Variants in SPARCL1 observed in about 807,000 individuals in gnomAD.
SPARCL1 encodes the protein SPARC like 1, also known as SPARC-like protein 1.
Under a neutral mutation model 67.1 loss-of-function variants are expected in SPARCL1, and 52 were observed. That is an observed-to-expected ratio of 0.78 (90% confidence interval 0.62 to 0.98). SPARCL1 has a LOEUF of 0.98. SPARCL1 is among the 50% of genes least tolerant of loss of function. SPARCL1 has a pLI of 0.00. For synonymous variants in SPARCL1, 226 were observed against 267.8 expected (o/e 0.84, Z 1.52); for missense variants, 717 against 782.4 (o/e 0.92, Z 1.00).
intron 10 of SPARCL1, 37 bp from the exon 11 acceptor site, chr4:87,473,840 A>C: frequency 6.8e-7 from 1 of 1,470,894 alleles, no homozygotes; most frequent in Non-Finnish European, 9.5e-7. Flanking sequence ...CACTTTTAGA[A>C]AGTAGCCAGA....
At chr4:87,504,220 G>C (rs1258683351) in intron 1 of SPARCL1, among the ~76,000 whole-genome samples, 1 of 148,664 alleles carries the variant, frequency 6.7e-6, no homozygotes, top group Non-Finnish European at 1.5e-5. Flanking sequence ...CAGGGGTGTG[G>C]GGAGAAACTT....
intron 2 of SPARCL1, 23 bp downstream of exon 2, chr4:87,499,496 TAA>T: frequency 6.3e-7 from 1 of 1,583,690 alleles, no homozygotes; most frequent in Non-Finnish European, 8.6e-7. Context: ...GAAAGAGATG[TAA>T]TAACAGAAGA....
intron 7 of SPARCL1, among the ~76,000 whole-genome samples, chr4:87,484,840 A>G (rs1723985627): frequency 6.6e-6 from 1 of 152,070 alleles, no homozygotes; most frequent in Non-Finnish European, 1.5e-5. Flanking sequence ...GCAAATGGGC[A>G]TTCACTTATG....
intron 1 of SPARCL1, among the ~76,000 whole-genome samples, chr4:87,517,304 T>A (rs1725621839): frequency 6.6e-6 from 1 of 152,158 alleles, no homozygotes; most frequent in Non-Finnish European, 1.5e-5. Flanking sequence ...TTTTGACTTT[T>A]ATATTTTTAA....
At chr4:87,518,798 G>A (rs1237584988) in intron 1 of SPARCL1, among the ~76,000 whole-genome samples, 2 of 152,160 alleles carry the variant, frequency 1.3e-5, no homozygotes, top group African/African-American at 2.4e-5. Flanking sequence ...AAGACACTTA[G>A]GGTTAAGAAT....
intron 10 of SPARCL1, among the ~76,000 whole-genome samples, chr4:87,478,042 A>G (rs1723651182): frequency 6.6e-6 from 1 of 152,164 alleles, no homozygotes; most frequent in Non-Finnish European, 1.5e-5. Context: ...CATTCTACAT[A>G]TGCATGGGGG....
In SPARCL1 at chr4:87,522,069, C is replaced by T. The variant is rs574852814; in HGVS notation, c.-12+6976G>A. ...TTTGGCTAACATATACGTGCTGTTA[C>T]CTGATCCAGTGTTAACACTGATGCT... is the stretch of plus-strand genomic sequence containing the variant. On this transcript the variant is annotated intron_variant, in intron 1 of 10. Transcript: ENST00000282470. 8.5e-5 allele frequency among the ~76,000 whole-genome samples: 13 copies of T among 152,252 alleles called. No homozygotes were observed. In the East Asian group the frequency reaches 1.9e-3, roughly 23 times the overall value.
intron 1 of SPARCL1, among the ~76,000 whole-genome samples, chr4:87,503,001 A>G (rs1288297790): frequency 6.6e-6 from 1 of 152,206 alleles, no homozygotes; most frequent in Non-Finnish European, 1.5e-5. Context: ...CTGTGAAATC[A>G]GTGAAGAGAC....
intron 7 of SPARCL1, among the ~76,000 whole-genome samples, chr4:87,483,083 G>GTT (rs35089335): frequency 4.2e-5 from 6 of 143,974 alleles, no homozygotes; most frequent in Admixed American, 6.9e-5. Flanking sequence ...GATCACTGCC[G>GTT]TTTTTTTTTT....
chr4:87,514,801 C>A (rs566282544), intron 1 of SPARCL1, among the ~76,000 whole-genome samples: 1 of 152,236 alleles, frequency 6.6e-6, no homozygotes, highest in South Asian at 2.1e-4. Flanking sequence ...GGAGAACTTT[C>A]CTGGGAAATG....
At chr4:87,501,058 A>G (rs954479712) in intron 1 of SPARCL1, among the ~76,000 whole-genome samples, 1 of 152,122 alleles carries the variant, frequency 6.6e-6, no homozygotes, top group African/African-American at 2.4e-5. Context: ...TTCTTCCTGA[A>G]TTTTCCAACA....
chr4:87,493,438 A>G, intron 4 of SPARCL1, 144 bp downstream of exon 4: 2 of 657,812 alleles, frequency 3.0e-6, no homozygotes, highest in Non-Finnish European at 4.8e-6. Flanking sequence ...ATAGAGATAG[A>G]CCTAAAAAGA....
intron 1 of SPARCL1, among the ~76,000 whole-genome samples, chr4:87,517,784 T>C (rs1725644193): frequency 6.6e-6 from 1 of 152,226 alleles, no homozygotes; most frequent in Non-Finnish European, 1.5e-5. Context: ...GCTCTGTGAA[T>C]GGACCAAGAA....
At chr4:87,477,664 C>T (rs149972520) in intron 10 of SPARCL1, among the ~76,000 whole-genome samples, 321 of 152,280 alleles carry the variant, frequency 2.1e-3, no homozygotes, top group South Asian at 0.011. Flanking sequence ...CTGCAAAGAG[C>T]CATGGGAGTG....
intron 2 of SPARCL1, among the ~76,000 whole-genome samples, chr4:87,497,952 C>A (rs185389432): frequency 7.0e-4 from 106 of 152,116 alleles, no homozygotes; most frequent in Non-Finnish European, 1.3e-3. Flanking sequence ...AGAGACGTGG[C>A]CTCACTATGT....
chr4:87,512,316 A>G (rs1012915849), intron 1 of SPARCL1, among the ~76,000 whole-genome samples: 4 of 152,128 alleles, frequency 2.6e-5, no homozygotes, highest in Admixed American at 6.5e-5. Context: ...AAATAAGGAA[A>G]AATTGAAGAT....
chr4:87,518,860 G>C (rs574721367), intron 1 of SPARCL1, among the ~76,000 whole-genome samples: 1 of 152,288 alleles, frequency 6.6e-6, no homozygotes, highest in Middle Eastern at 3.4e-3. Flanking sequence ...GATTTAGAGA[G>C]AATTAGCTCA....
At chr4:87,477,397 T>C (rs1446292034) in intron 10 of SPARCL1, among the ~76,000 whole-genome samples, 2 of 152,186 alleles carry the variant, frequency 1.3e-5, no homozygotes, top group Non-Finnish European at 2.9e-5. Flanking sequence ...TCATAGATGT[T>C]AGAAAGACAA....
intron 1 of SPARCL1, among the ~76,000 whole-genome samples, chr4:87,523,779 T>A (rs1206620644): frequency 6.6e-6 from 1 of 152,188 alleles, no homozygotes; most frequent in Non-Finnish European, 1.5e-5. Context: ...AGATTAAATA[T>A]CCCAAGTGTA....
Sources: gnomAD v4.1 joint callset for allele counts (sites outside exome capture counted in the v4.1 genomes callset) on GRCh38, gnomAD v4.1.1 for gene constraint, MANE v1.5 for transcripts, NCBI Gene and HGNC (gene_info 2026-07-23, HGNC 2026-07-21) for gene names.